Variants in POLR1C observed in about 807,000 individuals in gnomAD.
The protein encoded by POLR1C is DNA-directed RNA polymerases I and III subunit RPAC1.
A neutral mutation model predicts 38.3 loss-of-function variants in POLR1C; 42 were observed. The observed-to-expected ratio is 1.10, with a 90% CI of 0.86 to 1.42. POLR1C has a LOEUF of 1.42. Ranked by LOEUF, POLR1C falls within the 40% of genes most tolerant of loss-of-function variation. The probability of loss-of-function intolerance (pLI) is 0.00; values close to 1 mark genes in which losing one functional copy is unlikely to be tolerated. For synonymous variants in POLR1C, 163 were observed against 163.9 expected, an observed-to-expected ratio of 0.99 and a Z score of 0.04; for missense variants, 507 against 450.5, an observed-to-expected ratio of 1.13 and a Z score of -1.14.
At chr6:43,521,117 T>TGAA (rs1232084090) in intron 8 of POLR1C, 65 bp from the exon 9 acceptor site, 2 of 1,601,650 alleles carry the variant, frequency 1.2e-6, no homozygotes, top group Non-Finnish European at 1.7e-6. Context: ...AGTCTAGATG[T>TGAA]GAAGTTTATG....
At chr6:43,528,701 A>G (rs893070383) in intron 8 of POLR1C, 9 of 856,126 alleles carry the variant, frequency 1.1e-5, no homozygotes, top group South Asian at 1.5e-5. Context: ...CTGGGGTAGA[A>G]GCTCTGCCCA....
rs770709621 is a variant in POLR1C at position 43,541,282 on chromosome 6, CA to C, written c.*5-9683del. 2.0e-5 allele frequency among the ~76,000 whole-genome samples: 3 copies of C among 152,196 alleles called. No homozygotes were observed. In the East Asian group the frequency reaches 5.8e-4, roughly 29 times the overall value. On this transcript the variant is annotated intron_variant, in intron 9 of 10. Transcript: ENST00000607635. ...GACTATAACTGGATTGTTTGTAACA[CA>C]AAGGATAAATGCTTGAGGGGATGGA... is the stretch of plus-strand genomic sequence containing the variant.
intron 10 of POLR1C, among the ~76,000 whole-genome samples, chr6:43,551,970 C>T (rs976383704): frequency 1.2e-4 from 19 of 152,166 alleles, no homozygotes; most frequent in Non-Finnish European, 2.1e-4. Flanking sequence ...CTCAGCTGTG[C>T]GTGCCCTTCT....
Position 43,520,656 on chromosome 6 carries a change from A to G in POLR1C, c.687A>G (p.Ala229=), listed in dbSNP as rs1412790839. Residue 229 remains alanine, a synonymous_variant, in exon 7 of 9, where the codon GCA becomes GCG. Transcript: ENST00000642195. Reference sequence around the variant, plus strand: ...ATCATGCCAAGTTTTCACCAGTGGCAACAGCCAGTTACAGGCTCCTGCCAG... The same window carrying G: ...ATCATGCCAAGTTTTCACCAGTGGCGACAGCCAGTTACAGGCTCCTGCCAG... ...GKDHAKFSPV[A]TASYRLLPDI... 6.2e-7 allele frequency: 1 copy of G among 1,614,172 alleles called. No individual in the cohort carries two copies. The highest frequency in any genetic ancestry group is 8.5e-7 in the Non-Finnish European group (1 of 1,180,030).
Position 43,519,290 on chromosome 6 carries a change from C to G in POLR1C, c.142-43C>G, listed in dbSNP as rs375688974. 1.2e-4 allele frequency: 142 copies of G among 1,199,580 alleles called. No individual in the cohort carries two copies. The Admixed American group carries it at 1.3e-3, about 11-fold the overall frequency. 74.3% of individuals were successfully genotyped at this position (1,199,580 alleles called of 1,614,324 possible). On this transcript the variant is annotated intron_variant, in intron 2 of 8. Coordinates refer to ENST00000642195, the MANE Select transcript of POLR1C (RefSeq NM_203290.4). ...GGGGGAGGTATGAAGAGATATTACA[C>G]AGAGAGCAGATTTCACTTAAATGTT...
At chr6:43,525,035 C>G, downstream of POLR1C, 1 of 1,587,974 alleles carries the variant, frequency 6.3e-7, no homozygotes. Flanking sequence ...CCCAGTTCTT[C>G]TGAATGATTT....
intron 9 of POLR1C, among the ~76,000 whole-genome samples, chr6:43,543,952 T>G (rs1389206026): frequency 6.6e-6 from 1 of 152,174 alleles, no homozygotes; most frequent in Non-Finnish European, 1.5e-5. Context: ...GCTGGGATTA[T>G]AGGCATGAGC....
downstream of POLR1C, among the ~76,000 whole-genome samples, chr6:43,532,100 T>C (rs146905998): frequency 2.0e-5 from 3 of 152,348 alleles, no homozygotes; most frequent in East Asian, 5.8e-4. Flanking sequence ...TGGCCACTTA[T>C]TTCTATAGCA....
chr6:43,555,665 G>A (rs1762041352), intron 10 of POLR1C: 2 of 668,392 alleles, frequency 3.0e-6, no homozygotes, highest in Admixed American at 3.5e-5. Context: ...TGTGTCATCT[G>A]CTTTCTTTGT....
chr6:43,520,182 A>C lies in POLR1C; in HGVS notation c.499A>C (p.Lys167Gln). The change falls in exon 5 of 9, where the codon AAA (lysine) becomes CAA (glutamine). Residue 167 changes from lysine to glutamine, a missense_variant. Transcript: ENST00000642195. Reference sequence around the variant, plus strand: ...CCCCAACGAACTGTACGTGAACCACAAAGGTGAGTAGTGGTAGGGTGAGGA... The same window carrying C: ...CCCCAACGAACTGTACGTGAACCACCAAGGTGAGTAGTGGTAGGGTGAGGA... Reference protein sequence around the residue: ...SDPNELYVNHKVYTRHMTWIP... With the variant: ...SDPNELYVNHQVYTRHMTWIP... 1 of 1,614,202 alleles carries C rather than the reference A, an allele frequency of 6.2e-7. No individual in the cohort carries two copies.
At chr6:43,529,380 A>G (rs1427443007) in exon 9 of POLR1C, 1 of 159,752 alleles carries the variant, frequency 6.3e-6, no homozygotes, top group African/African-American at 3.2e-5. Context: ...GTCTCTACTA[A>G]AAAAAAAAAA....
At chr6:43,560,232 C>T (rs773279445) in intron 10 of POLR1C, 4 of 1,612,018 alleles carry the variant, frequency 2.5e-6, no homozygotes, top group Non-Finnish European at 3.4e-6. Context: ...TTGCTAATAG[C>T]AAAGGATCAC....
intron 10 of POLR1C, among the ~76,000 whole-genome samples, chr6:43,552,853 G>A (rs533731031): frequency 1.3e-5 from 2 of 152,260 alleles, no homozygotes; most frequent in East Asian, 3.9e-4. Flanking sequence ...AAGCAGTGTG[G>A]TACTTAAAAT....
At chr6:43,525,136 A>C (rs1182990144), downstream of POLR1C, 1 of 1,580,684 alleles carries the variant, frequency 6.3e-7, no homozygotes, top group Non-Finnish European at 8.6e-7. Flanking sequence ...CAGAGCTGTG[A>C]GGTTGTCCTC....
chr6:43,541,274 T>C (rs1367252879), intron 9 of POLR1C, among the ~76,000 whole-genome samples: 1 of 152,216 alleles, frequency 6.6e-6, no homozygotes. Flanking sequence ...ACTGGATTGT[T>C]TGTAACACAA....
At chr6:43,528,700 A>G in intron 8 of POLR1C, 1 of 853,498 alleles carries the variant, frequency 1.2e-6, no homozygotes, top group Non-Finnish European at 1.9e-6. Flanking sequence ...GCTGGGGTAG[A>G]AGCTCTGCCC....
At chr6:43,546,912 G>A (rs541179997) in intron 9 of POLR1C, among the ~76,000 whole-genome samples, 5 of 152,014 alleles carry the variant, frequency 3.3e-5, no homozygotes, top group Non-Finnish European at 7.4e-5. Flanking sequence ...TTCCTTTAAG[G>A]TGAAGTCCAA....
exon 9 of POLR1C, chr6:43,529,357 A>G (rs759386907): frequency 7.0e-6 from 3 of 426,280 alleles, no homozygotes; most frequent in South Asian, 1.7e-5. Flanking sequence ...CCTGGCTAAC[A>G]TGGTGAAACC....
chr6:43,539,907 A>G (rs1182582181), intron 9 of POLR1C, among the ~76,000 whole-genome samples: 5 of 152,250 alleles, frequency 3.3e-5, no homozygotes, highest in Non-Finnish European at 7.3e-5. Context: ...GTTGAGTTAG[A>G]ATAAGTTACA....
Sources: allele counts gnomAD v4.1 joint callset (sites outside exome capture counted in the v4.1 genomes callset), GRCh38; gene constraint gnomAD v4.1.1; transcripts MANE v1.5; gene names NCBI Gene and HGNC (gene_info 2026-07-23, HGNC 2026-07-21).